BMPR1B: variants seen among roughly 807,000 people sequenced by gnomAD.
The protein encoded by BMPR1B is bone morphogenetic protein receptor type-1B.
BMPR1B carries 12 observed loss-of-function variants against 59.1 expected under a neutral mutation model. The observed-to-expected ratio is 0.20, with a 90% CI of 0.13 to 0.33. The LOEUF (loss-of-function observed/expected upper bound fraction) is 0.33, where lower values mean the gene tolerates loss of function less well. Among genes scored for constraint, BMPR1B ranks in the 10% least tolerant of loss-of-function variants. The pLI, the probability that BMPR1B is intolerant of heterozygous loss-of-function variation, is 1.00. For missense variants in BMPR1B, 550 were observed against 610.9 expected (o/e 0.90, Z 1.05); for synonymous variants, 237 against 207.3 (o/e 1.14, Z -1.23).
chr4:94,859,312 C>A (rs142769291), intron 1 of BMPR1B, among the ~76,000 whole-genome samples: 29 of 152,046 alleles, frequency 1.9e-4, no homozygotes, highest in African/African-American at 7.0e-4. Flanking sequence ...AAAAAACTTC[C>A]GTCTTTTAAA....
Position 95,019,604 on chromosome 4 carries a change from G to T in BMPR1B, c.-18+23470G>T, listed in dbSNP as rs1723826309. 3.3e-5 allele frequency among the ~76,000 whole-genome samples: 5 copies of T among 152,130 alleles called. No individual in the cohort carries two copies. The South Asian group carries it at 1.0e-3, about 31-fold the overall frequency. ...GTCTTAAAATTGTGATCCATGCAAG[G>T]CATTATTTATTTGTGGAAAGTGAGA... is the stretch of plus-strand genomic sequence containing the variant. On this transcript the variant is annotated intron_variant, in intron 3 of 12. Coordinates refer to ENST00000515059, the MANE Select transcript of BMPR1B (RefSeq NM_001203.3).
At chr4:94,796,284 A>G (rs2110613218) in intron 1 of BMPR1B, among the ~76,000 whole-genome samples, 1 of 152,284 alleles carries the variant, frequency 6.6e-6, no homozygotes, top group Admixed American at 6.5e-5. Context: ...ATAACCTTTA[A>G]AAAATACTAT....
intron 6 of BMPR1B, among the ~76,000 whole-genome samples, chr4:95,119,680 A>G (rs934992560): frequency 1.3e-5 from 2 of 152,198 alleles, no homozygotes; most frequent in Admixed American, 1.3e-4. Context: ...TCATATAATA[A>G]CTGCTTTAGT....
At chr4:94,820,263 T>C (rs1160019134) in intron 1 of BMPR1B, among the ~76,000 whole-genome samples, 2 of 152,182 alleles carry the variant, frequency 1.3e-5, no homozygotes, top group Non-Finnish European at 2.9e-5. Context: ...CCAAAGTTCA[T>C]GGTGTATCTT....
chr4:94,962,942 T>A (rs920237841), intron 2 of BMPR1B, among the ~76,000 whole-genome samples: 1 of 152,106 alleles, frequency 6.6e-6, no homozygotes. Context: ...TCACCAGCAG[T>A]GTACTAGCAT....
rs955422020 is a variant in BMPR1B, at chr4:94,839,715, A to G, written c.-182-36116A>G. Among the ~76,000 whole-genome samples, 104 of 137,332 alleles carry G rather than the reference A, an allele frequency of 7.6e-4. 4 individuals carry two copies. The highest frequency in any genetic ancestry group is 2.3e-3 in the African/African-American group (84 of 36,186). 90.1% of individuals were successfully genotyped at this position (137,332 alleles called of 152,430 possible). The stretch of plus-strand genomic sequence containing the variant: ...CTGATGGGTCTTGACTCTTTATCCA[A>G]TTTGCCAGTCTATGTCTTTTAATTG... On this transcript the variant is annotated intron_variant, in intron 1 of 12. Transcript: ENST00000515059.
chr4:94,840,456 C>T (rs1725011361), intron 1 of BMPR1B, among the ~76,000 whole-genome samples: 1 of 147,430 alleles, frequency 6.8e-6, no homozygotes, highest in Non-Finnish European at 1.5e-5. Context: ...AGGCTTTGCT[C>T]ATTTCTTTTT....
At chr4:94,856,164 G>A (rs999670733) in intron 1 of BMPR1B, among the ~76,000 whole-genome samples, 4 of 152,200 alleles carry the variant, frequency 2.6e-5, no homozygotes, top group Non-Finnish European at 5.9e-5. Flanking sequence ...AGTAAGAAAT[G>A]TAGAGGTAGT....
intron 1 of BMPR1B, among the ~76,000 whole-genome samples, chr4:94,793,634 A>G (rs1397809352): frequency 4.1e-5 from 6 of 147,054 alleles, no homozygotes; most frequent in Non-Finnish European, 9.1e-5. Context: ...AGTCCCACCA[A>G]CAGTGTCAAA....
Position 95,114,775 on chromosome 4 carries a change from G to A in BMPR1B, c.199G>A (p.Val67Ile). 1 of 1,613,718 alleles carries A rather than the reference G, an allele frequency of 6.2e-7. No homozygotes were observed. The highest frequency in any genetic ancestry group is 1.1e-5 in the South Asian group (1 of 91,074). The change falls in exon 5 of 13, where the codon GTC becomes ATC. Residue 67 changes from valine to isoleucine, a missense_variant. Transcript: ENST00000515059. ...IEEDDSGLPV[V>I]TSGCLGLEGS... The stretch of plus-strand genomic sequence containing the variant: ...AGAGGATGACTCTGGGTTGCCTGTG[G>A]TCACTTCTGGTTGCCTAGGACTAGA...
chr4:94,948,899 C>T (rs918910021), intron 2 of BMPR1B, among the ~76,000 whole-genome samples: 3 of 152,156 alleles, frequency 2.0e-5, no homozygotes, highest in African/African-American at 7.2e-5. Flanking sequence ...GTGTTGCTTT[C>T]TAGCTAGTAG....
At chr4:95,081,186 A>AT (rs1729111143) in intron 3 of BMPR1B, among the ~76,000 whole-genome samples, 2 of 152,114 alleles carry the variant, frequency 1.3e-5, no homozygotes, top group South Asian at 4.1e-4. Flanking sequence ...TTCCACCTTG[A>AT]TTGTAAGTTT....
At chr4:94,936,462 G>C (rs905269100) in intron 2 of BMPR1B, among the ~76,000 whole-genome samples, 7 of 152,094 alleles carry the variant, frequency 4.6e-5, no homozygotes, top group Non-Finnish European at 8.8e-5. Flanking sequence ...AGGTATGTTT[G>C]CAGCTTCTTT....
At chr4:94,767,370 TAA>T (rs1722009721) in intron 1 of BMPR1B, among the ~76,000 whole-genome samples, 1 of 149,404 alleles carries the variant, frequency 6.7e-6, no homozygotes, top group Admixed American at 6.6e-5. Context: ...GAGTAGGAAT[TAA>T]TATTGAATTT....
intron 3 of BMPR1B, among the ~76,000 whole-genome samples, chr4:95,062,653 A>G (rs1352517850): frequency 1.3e-5 from 2 of 152,192 alleles, no homozygotes; most frequent in Non-Finnish European, 2.9e-5. Flanking sequence ...GAGTGTGAAC[A>G]TCTCTACAGA....
intron 1 of BMPR1B, among the ~76,000 whole-genome samples, chr4:94,832,509 T>C (rs989496362): frequency 6.6e-6 from 1 of 152,138 alleles, no homozygotes; most frequent in Non-Finnish European, 1.5e-5. Flanking sequence ...CAGCCGAGCA[T>C]GGTCGCTCAT....
chr4:94,980,715 A>G (rs1218413525), intron 2 of BMPR1B, among the ~76,000 whole-genome samples: 1 of 152,186 alleles, frequency 6.6e-6, no homozygotes, highest in African/African-American at 2.4e-5. Context: ...AAAACCCTGA[A>G]TTGGAATAGG....
At chr4:95,083,033 G>A (rs1193923561) in intron 3 of BMPR1B, among the ~76,000 whole-genome samples, 4 of 54,060 alleles carry the variant, frequency 7.4e-5, no homozygotes, top group Non-Finnish European at 1.0e-4. Context: ...GCAATACTCT[G>A]TCTCAAAAAA....
chr4:94,978,900 C>T (rs1731128182), intron 2 of BMPR1B, among the ~76,000 whole-genome samples: 1 of 151,514 alleles, frequency 6.6e-6, no homozygotes, highest in South Asian at 2.1e-4. Flanking sequence ...GAAGGAGGAG[C>T]AAAGGCACAC....
Sources: gnomAD v4.1 joint callset for allele counts (sites outside exome capture counted in the v4.1 genomes callset) on GRCh38, gnomAD v4.1.1 for gene constraint, MANE v1.5 for transcripts, NCBI Gene and HGNC (gene_info 2026-07-23, HGNC 2026-07-21) for gene names.